Variants in PTPRG observed in about 807,000 individuals in gnomAD.
PTPRG encodes receptor-type tyrosine-protein phosphatase gamma.
A neutral mutation model predicts 165.3 loss-of-function variants in PTPRG; 102 were observed. The observed-to-expected ratio is 0.62, with a 90% CI of 0.53 to 0.73. The LOEUF (loss-of-function observed/expected upper bound fraction) is 0.73. PTPRG is among the 30% of genes least tolerant of loss of function. The pLI is 0.00. For synonymous variants in PTPRG, 675 were observed against 669.5 expected, an observed-to-expected ratio of 1.01 and a Z score of -0.13; for missense variants, 1,866 against 1,861.4, an observed-to-expected ratio of 1.00 and a Z score of -0.05.
intron 8 of PTPRG, among the ~76,000 whole-genome samples, chr3:62,172,897 A>G (rs1018044416): frequency 6.6e-6 from 1 of 152,228 alleles, no homozygotes; most frequent in Non-Finnish European, 1.5e-5. Context: ...GTTGTCACAG[A>G]AGAAGGAAAA....
At chr3:61,664,564 C>T (rs894509408) in intron 1 of PTPRG, among the ~76,000 whole-genome samples, 2 of 152,250 alleles carry the variant, frequency 1.3e-5, no homozygotes, top group African/African-American at 4.8e-5. Flanking sequence ...TGGCGTGGTT[C>T]ACACATGTAA....
intron 5 of PTPRG, among the ~76,000 whole-genome samples, chr3:62,122,278 A>T (rs1053068484): frequency 6.6e-6 from 1 of 152,206 alleles, no homozygotes; most frequent in Non-Finnish European, 1.5e-5. Flanking sequence ...GGTTTATTTC[A>T]TAGAGGATGA....
chr3:62,171,979 A>T (rs1011047062), intron 8 of PTPRG, among the ~76,000 whole-genome samples: 1 of 152,130 alleles, frequency 6.6e-6, no homozygotes, highest in Non-Finnish European at 1.5e-5. Flanking sequence ...GAATTTGTCT[A>T]TTCTGCACAT....
At chr3:62,074,705 G>A (rs952559922) in intron 4 of PTPRG, among the ~76,000 whole-genome samples, 1 of 152,096 alleles carries the variant, frequency 6.6e-6, no homozygotes, top group Non-Finnish European at 1.5e-5. Flanking sequence ...TGTAGAGTGA[G>A]CATCACTTAG....
chr3:61,866,800 T>C (rs2037425341), intron 2 of PTPRG, among the ~76,000 whole-genome samples: 1 of 152,018 alleles, frequency 6.6e-6, no homozygotes, highest in African/African-American at 2.4e-5. Flanking sequence ...CATTTCACCA[T>C]GTTGGCCAGG....
chr3:62,037,521 G>A lies in PTPRG; in HGVS notation c.519+34024G>A, dbSNP rs186569907. Among the ~76,000 whole-genome samples the A allele has an allele frequency of 8.7e-4, 132 of 152,262 alleles. 1 individual carries two copies. Among genetic ancestry groups the A allele is most frequent in the African/African-American group, 3.1e-3 (129 of 41,564 alleles). ...GCATTAGCAAATATCCCTTGGGGGG[G>A]CAAAATCGTCTCCATTTGAGAACTT... On this transcript the variant is annotated intron_variant, in intron 4 of 29. Transcript: ENST00000474889.
intron 4 of PTPRG, among the ~76,000 whole-genome samples, chr3:62,022,728 T>G (rs2041726712): frequency 6.6e-6 from 1 of 152,190 alleles, no homozygotes; most frequent in Non-Finnish European, 1.5e-5. Context: ...ATATACCTTT[T>G]GGGTCTAAAA....
intron 8 of PTPRG, among the ~76,000 whole-genome samples, chr3:62,185,981 C>A (rs1187738699): frequency 2.0e-5 from 3 of 152,138 alleles, no homozygotes; most frequent in Non-Finnish European, 4.4e-5. Context: ...TTGCCTGTTT[C>A]CTTTTTGGAC....
At chr3:61,793,698 A>G (rs1484193969) in intron 2 of PTPRG, among the ~76,000 whole-genome samples, 2 of 152,330 alleles carry the variant, frequency 1.3e-5, no homozygotes, top group East Asian at 1.9e-4. Context: ...TTAACTTGCA[A>G]ATTGGCAGAA....
intron 2 of PTPRG, among the ~76,000 whole-genome samples, chr3:61,981,151 G>A (rs1462424385): frequency 6.6e-6 from 1 of 152,028 alleles, no homozygotes; most frequent in African/African-American, 2.4e-5. Context: ...CCCAGCACAG[G>A]GGGAGACCCC....
chr3:61,610,811 C>T (rs566790268), intron 1 of PTPRG, among the ~76,000 whole-genome samples: 3 of 132,176 alleles, frequency 2.3e-5, no homozygotes, highest in African/African-American at 8.2e-5. Context: ...CTTTCTCTAT[C>T]TCTCTCTTTG....
At chr3:61,902,707 T>C (rs2038530368) in intron 2 of PTPRG, among the ~76,000 whole-genome samples, 1 of 152,210 alleles carries the variant, frequency 6.6e-6, no homozygotes, top group Admixed American at 6.5e-5. Context: ...CAGTAATCAT[T>C]AACTGTCTTC....
At chr3:61,583,644 G>T (rs1700360566) in intron 1 of PTPRG, among the ~76,000 whole-genome samples, 1 of 152,124 alleles carries the variant, frequency 6.6e-6, no homozygotes. Flanking sequence ...TGATTAAGGA[G>T]CTCTGTCCAC....
chr3:61,860,645 G>C (rs1394401624), intron 2 of PTPRG, among the ~76,000 whole-genome samples: 3 of 151,716 alleles, frequency 2.0e-5, no homozygotes, highest in African/African-American at 4.8e-5. Context: ...GGTTTCTGCA[G>C]GTTGGCCAGA....
At chr3:62,191,447 G>GC in intron 8 of PTPRG, 22 bp from the exon 9 acceptor site, 5 of 1,610,180 alleles carry the variant, frequency 3.1e-6, no homozygotes, top group Non-Finnish European at 3.4e-6. Context: ...AGCTCCCTGA[G>GC]CTGAGCCCTG....
At chr3:61,780,807 C>T (rs1466029897) in intron 2 of PTPRG, among the ~76,000 whole-genome samples, 1 of 152,168 alleles carries the variant, frequency 6.6e-6, no homozygotes, top group Admixed American at 6.5e-5. Context: ...TGCCAATGAG[C>T]TTTAAATAGG....
chr3:61,943,755 G>A (rs2039688931), intron 2 of PTPRG, among the ~76,000 whole-genome samples: 1 of 152,062 alleles, frequency 6.6e-6, no homozygotes. Context: ...TTTCTTATAC[G>A]AGTCACTTAG....
intron 6 of PTPRG, among the ~76,000 whole-genome samples, chr3:62,151,626 T>G (rs1332020204): frequency 6.6e-6 from 1 of 151,114 alleles, no homozygotes; most frequent in East Asian, 1.9e-4. Context: ...TATCTAGTAA[T>G]GCACAGTACC....
At chr3:61,661,061 C>T (rs1324527873) in intron 1 of PTPRG, among the ~76,000 whole-genome samples, 1 of 151,880 alleles carries the variant, frequency 6.6e-6, no homozygotes, top group Non-Finnish European at 1.5e-5. Flanking sequence ...TTTTTCCCCC[C>T]CTAATTAAAA....
Sources: allele counts gnomAD v4.1 joint callset (sites outside exome capture counted in the v4.1 genomes callset), GRCh38; gene constraint gnomAD v4.1.1; transcripts MANE v1.5; gene names NCBI Gene and HGNC (gene_info 2026-07-23, HGNC 2026-07-21).